Variants in CDH13 observed in about 807,000 individuals in gnomAD.
CDH13 encodes the protein cadherin-13.
In CDH13, 24 loss-of-function variants were observed where a neutral mutation model predicts 63.8. The ratio of observed to expected loss-of-function variants is 0.38; its 90% CI spans 0.27 to 0.53. The LOEUF (loss-of-function observed/expected upper bound fraction) is 0.53, where lower values mean the gene tolerates loss of function less well. Among genes scored for constraint, CDH13 ranks in the 20% least tolerant of loss-of-function variants. The pLI, the probability that CDH13 is intolerant of heterozygous loss-of-function variation, is 0.85. For synonymous variants in CDH13, 503 were observed against 355.3 expected (o/e 1.42, Z -4.67); for missense variants, 1,049 against 903.1 (o/e 1.16, Z -2.07).
chr16:82,782,977 C>T (rs2035835925), intron 1 of CDH13, among the ~76,000 whole-genome samples: 1 of 152,326 alleles, frequency 6.6e-6, no homozygotes, highest in East Asian at 1.9e-4. Context: ...GGAGCTTTCC[C>T]AGGTGCTGTG....
At chr16:82,645,671 C>G (rs954325662) in intron 1 of CDH13, among the ~76,000 whole-genome samples, 5 of 152,178 alleles carry the variant, frequency 3.3e-5, no homozygotes, top group Non-Finnish European at 7.4e-5. Context: ...TTATCCTTAT[C>G]TTATCCTGTT....
At chr16:82,858,500 T>C in intron 2 of CDH13, 27 bp downstream of exon 2, 1 of 1,307,046 alleles carries the variant, frequency 7.7e-7, no homozygotes, top group Non-Finnish European at 1.1e-6. Flanking sequence ...AAAGATGCTT[T>C]TAGACTCTTC....
At chr16:83,277,150 G>A (rs2089017138) in intron 5 of CDH13, among the ~76,000 whole-genome samples, 1 of 152,132 alleles carries the variant, frequency 6.6e-6, no homozygotes, top group East Asian at 1.9e-4. Flanking sequence ...ATAAATACTG[G>A]ATAGGTGGAT....
At chr16:83,530,515 G>A (rs1473049903) in intron 7 of CDH13, among the ~76,000 whole-genome samples, 1 of 152,170 alleles carries the variant, frequency 6.6e-6, no homozygotes, top group Non-Finnish European at 1.5e-5. Context: ...TTTGGCCTGT[G>A]TTAAGTTGTT....
chr16:83,756,758 T>C lies in CDH13; in HGVS notation c.1681+8508T>C, dbSNP rs915433547. Among the ~76,000 whole-genome samples the C allele has an allele frequency of 3.3e-5, 5 of 152,206 alleles. No individual in the cohort carries two copies. In the East Asian group the frequency reaches 9.6e-4, roughly 29 times the overall value. On this transcript the variant is annotated intron_variant, in intron 11 of 13. Coordinates refer to ENST00000567109, the MANE Select transcript of CDH13 (RefSeq NM_001257.5). ...AAGAAGGACATCACAGTCCTAAATC[T>C]GTATGTACTGGACAGCACAGATTCC...
chr16:83,663,878 G>A (rs1256332219), intron 8 of CDH13, among the ~76,000 whole-genome samples: 2 of 152,122 alleles, frequency 1.3e-5, no homozygotes, highest in African/African-American at 4.8e-5. Context: ...GAGAGGAGAA[G>A]GCTGGGCACA....
chr16:82,688,646 T>C (rs906884247), intron 1 of CDH13, among the ~76,000 whole-genome samples: 8 of 152,256 alleles, frequency 5.3e-5, no homozygotes, highest in African/African-American at 1.9e-4. Context: ...GGGATGGTTC[T>C]GATATTGTTT....
intron 11 of CDH13, among the ~76,000 whole-genome samples, chr16:83,750,428 T>G (rs1355134303): frequency 6.6e-6 from 1 of 152,252 alleles, no homozygotes; most frequent in Non-Finnish European, 1.5e-5. Context: ...CATTTTAATT[T>G]ACTTTAACAA....
chr16:82,939,097 A>G (rs2042754015), intron 2 of CDH13, among the ~76,000 whole-genome samples: 1 of 152,176 alleles, frequency 6.6e-6, no homozygotes, highest in South Asian at 2.1e-4. Context: ...CACTGACAGC[A>G]TCTCCTCTGG....
At chr16:82,855,400 A>G (rs771895239) in intron 1 of CDH13, among the ~76,000 whole-genome samples, 23 of 152,208 alleles carry the variant, frequency 1.5e-4, no homozygotes, top group Non-Finnish European at 2.6e-4. Context: ...TTCCTACAGG[A>G]TATCCAGTTT....
chr16:83,222,378 G>T (rs575115187), intron 5 of CDH13, among the ~76,000 whole-genome samples: 1 of 152,182 alleles, frequency 6.6e-6, no homozygotes, highest in Admixed American at 6.5e-5. Context: ...GTAGCTCCAT[G>T]ACAATTTGGC....
chr16:82,797,248 A>C (rs1394452853), intron 1 of CDH13, among the ~76,000 whole-genome samples: 1 of 152,122 alleles, frequency 6.6e-6, no homozygotes, highest in Non-Finnish European at 1.5e-5. Context: ...TACCAGTGTG[A>C]TTTGCTATAA....
intron 2 of CDH13, among the ~76,000 whole-genome samples, chr16:82,909,321 G>C (rs1249407920): frequency 6.6e-6 from 1 of 150,798 alleles, no homozygotes; most frequent in Non-Finnish European, 1.5e-5. Context: ...TGATCTAGAA[G>C]TGTTAAATAT....
chr16:83,563,890 G>T lies in CDH13; in HGVS notation c.961-38564G>T, dbSNP rs762460369. 5.9e-5 allele frequency among the ~76,000 whole-genome samples: 9 copies of T among 152,180 alleles called. No homozygotes were observed. The South Asian group carries it at 1.7e-3, about 28-fold the overall frequency. On this transcript the variant is annotated intron_variant, in intron 7 of 13. Transcript: ENST00000567109. ...TGGGATGGGTCGTTTTGTTTATTCC[G>T]TGAAGTTACTGTGAGTGCACATCCT...
At chr16:83,349,602 T>G (rs966370637) in intron 6 of CDH13, among the ~76,000 whole-genome samples, 81 of 151,526 alleles carry the variant, frequency 5.3e-4, no homozygotes, top group African/African-American at 1.9e-3. Flanking sequence ...TTATTATTAT[T>G]ATTATTATCA....
rs552298071 is a variant in CDH13, at chr16:83,566,212, T to C, written c.961-36242T>C. ...TGGATAATGGCAGCCCAGTTGCTTC[T>C]GCTTGCAGTGGAAGGAAGGGTTGGC... On this transcript the variant is annotated intron_variant, in intron 7 of 13. Transcript: ENST00000567109. Among the ~76,000 whole-genome samples the C allele has an allele frequency of 1.4e-4, 22 of 152,272 alleles. No homozygotes were observed. The South Asian group carries it at 4.6e-3, about 32-fold the overall frequency.
At chr16:83,105,442 G>A (rs147365718) in intron 3 of CDH13, among the ~76,000 whole-genome samples, 2 of 152,206 alleles carry the variant, frequency 1.3e-5, no homozygotes, top group Non-Finnish European at 2.9e-5. Flanking sequence ...CCTTCTGCCA[G>A]TTTATGAGGC....
intron 1 of CDH13, among the ~76,000 whole-genome samples, chr16:82,664,506 A>G (rs1369635370): frequency 6.6e-6 from 1 of 152,230 alleles, no homozygotes; most frequent in East Asian, 1.9e-4. Context: ...TCAATGCAGT[A>G]GGTGGGTAAA....
intron 6 of CDH13, among the ~76,000 whole-genome samples, chr16:83,476,850 AT>A (rs1382633344): frequency 1.3e-5 from 2 of 152,190 alleles, no homozygotes; most frequent in Non-Finnish European, 2.9e-5. Flanking sequence ...CTTAAAATTG[AT>A]TTTTTGAAGT....
Sources: allele counts gnomAD v4.1 joint callset (sites outside exome capture counted in the v4.1 genomes callset), GRCh38; gene constraint gnomAD v4.1.1; transcripts MANE v1.5; gene names NCBI Gene and HGNC (gene_info 2026-07-23, HGNC 2026-07-21).